SLC7A10: variants seen among roughly 807,000 people sequenced by gnomAD.
The protein encoded by SLC7A10 is solute carrier family 7 member 10, also known as asc-type amino acid transporter 1.
In SLC7A10, 30 loss-of-function variants were observed where a neutral mutation model predicts 52.7. The ratio of observed to expected loss-of-function variants is 0.57; its 90% CI spans 0.43 to 0.77. The LOEUF is 0.77. SLC7A10 is among the 30% of genes least tolerant of loss of function. The probability of loss-of-function intolerance (pLI) is 0.00; values close to 1 mark genes in which losing one functional copy is unlikely to be tolerated. For synonymous variants in SLC7A10, 318 were observed against 314.9 expected, an observed-to-expected ratio of 1.01 and a Z score of -0.10; for missense variants, 581 against 698.5, an observed-to-expected ratio of 0.83 and a Z score of 1.90.
intron 5 of SLC7A10, 195 bp downstream of exon 5, chr19:33,212,097 T>C: frequency 1.4e-6 from 1 of 723,146 alleles, no homozygotes; most frequent in Non-Finnish European, 2.3e-6. Context: ...GACGTGTCCA[T>C]AGCCAGAGAG....
intron 2 of SLC7A10, among the ~76,000 whole-genome samples, chr19:33,215,457 T>A (rs796787881): frequency 1.3e-5 from 2 of 151,880 alleles, no homozygotes; most frequent in Non-Finnish European, 2.9e-5. Context: ...GGGGTGGGGT[T>A]CAGAGGGACC....
At position 33,208,896 on chromosome 19, in the gene SLC7A10, G is replaced by T. The variant is rs781577248; in HGVS notation, c.1567C>A (p.Gln523Lys). 1 of 1,613,652 alleles carries T rather than the reference G, an allele frequency of 6.2e-7. No homozygotes were observed. Among genetic ancestry groups the T allele is most frequent in the African/African-American group, 1.3e-5 (1 of 74,808 alleles). The change falls in exon 11 of 11, where the codon CAA becomes AAA. Residue 523 changes from glutamine (Q) to lysine (K), a missense_variant. Physicochemically the swap from Gln to Lys is moderately conservative, Grantham distance 53. Coordinates refer to ENST00000253188, the MANE Select transcript of SLC7A10 (RefSeq NM_019849.3). This position sits in a 1 kb window ranked among gnomAD's most constrained non-coding sequence, Gnocchi z 4.7. ...CTTCAGTCTCTACAAAAATCTCATT[G>T]TGGCTTCGAGGGCTTGTCTGTGGCA... ...LPATDKPSKP[Q>K]
rs760343862 is a variant in SLC7A10 at position 33,225,520 on chromosome 19, C to A, written c.151+33G>T. ...GCGGCTGCGCCCCTCATTCGGCCTC[C>A]GCCCGGCGCCCGCCCGCCTGGGTCC... is the stretch of plus-strand genomic sequence containing the variant. On this transcript the variant is annotated intron_variant, in intron 1 of 10. Coordinates refer to ENST00000253188, the MANE Select transcript of SLC7A10 (RefSeq NM_019849.3). 1.9e-6 allele frequency: 3 copies of A among 1,593,242 alleles called. No homozygotes were observed. The South Asian group carries it at 3.3e-5, about 18-fold the overall frequency.
intron 1 of SLC7A10, among the ~76,000 whole-genome samples, chr19:33,216,329 C>T (rs1000512302): frequency 2.2e-4 from 34 of 152,196 alleles, no homozygotes; most frequent in African/African-American, 4.3e-4. Context: ...CGACGGCAGA[C>T]GGTGGCTCCT....
Position 33,212,649 on chromosome 19 carries a change from G to C in SLC7A10, c.509-10C>G, listed in dbSNP as rs1194201671. The C allele has an allele frequency of 3.1e-6, 5 of 1,613,588 alleles. No individual in the cohort carries two copies. The highest frequency in any genetic ancestry group is 4.2e-6 in the Non-Finnish European group (5 of 1,180,036). ...ACCCATGTCAGGAGCACTGCGGAGG[G>C]AAGGCGGGGGTGGGCGCCGAGGCCG... On this transcript the variant is annotated splice_polypyrimidine_tract_variant and intron_variant, in intron 3 of 10. Coordinates refer to ENST00000253188, the MANE Select transcript of SLC7A10 (RefSeq NM_019849.3).
intron 1 of SLC7A10, among the ~76,000 whole-genome samples, chr19:33,217,392 T>C (rs1974711469): frequency 1.3e-5 from 2 of 152,196 alleles, no homozygotes; most frequent in Non-Finnish European, 2.9e-5. Flanking sequence ...TGAGCAAGAC[T>C]CTGAGTGCCT....
chr19:33,218,671 T>TTTCTTTCTTTCTCTC (rs369226143), intron 1 of SLC7A10, among the ~76,000 whole-genome samples: 18 of 78,300 alleles, frequency 2.3e-4, no homozygotes, highest in African/African-American at 5.6e-4. Flanking sequence ...ATTTCTTTCT[T>TTTCTTTCTTTCTCTC]TCTTTCTTTC....
In SLC7A10 at chr19:33,209,348, C is replaced by T. The variant is rs372269491; in HGVS notation, c.1401G>A (p.Val467=). The T allele has an allele frequency of 1.9e-5, 30 of 1,614,052 alleles. No homozygotes were observed. In the African/African-American group the frequency reaches 3.7e-4, roughly 20 times the overall value. Residue 467 remains valine, a synonymous_variant, in exon 10 of 11, where the codon GTG becomes GTA. Transcript: ENST00000253188. ...LTGVPIFFLG[V]FWRSKPKCVH... is the part of the protein sequence containing the mutation. ...CACACTTTGGTTTGCTTCTCCAGAA[C>T]ACTCCCAGAAAGAAAATGGGCACCC...
intron 10 of SLC7A10, 139 bp from the exon 11 acceptor site, chr19:33,209,160 C>T: frequency 6.5e-7 from 1 of 1,530,608 alleles, no homozygotes; most frequent in Non-Finnish European, 8.9e-7. Flanking sequence ...TTGGGTACAT[C>T]TTGGGAAGAG....
intron 1 of SLC7A10, among the ~76,000 whole-genome samples, chr19:33,221,498 C>T (rs1568395891): frequency 6.6e-6 from 1 of 152,168 alleles, no homozygotes; most frequent in Non-Finnish European, 1.5e-5. Flanking sequence ...GCATCTGACC[C>T]CAGGGCAGGT....
chr19:33,210,396 T>C lies in SLC7A10; in HGVS notation c.1263+71A>G, dbSNP rs1356159612. 6 of 1,527,184 alleles carry C rather than the reference T, an allele frequency of 3.9e-6. No homozygotes were observed. The highest frequency in any genetic ancestry group is 5.3e-6 in the Non-Finnish European group (6 of 1,139,532). 94.6% of individuals were successfully genotyped at this position (1,527,184 alleles called of 1,614,324 possible). On this transcript the variant is annotated intron_variant, in intron 9 of 10. Transcript: ENST00000253188. The surrounding 1 kb of genome is among the most constrained non-coding windows in gnomAD (Gnocchi z 5.6). Reference sequence around the variant, plus strand: ...TGGCACCTCCCATCCCACCTGCCCCTGGTGCCCACTGTGGATGCAGGGGTG... The same window carrying C: ...TGGCACCTCCCATCCCACCTGCCCCCGGTGCCCACTGTGGATGCAGGGGTG...
chr19:33,210,319 G>A lies in SLC7A10; in HGVS notation c.1263+148C>T. 1 of 966,906 alleles carries A rather than the reference G, an allele frequency of 1.0e-6. No individual in the cohort carries two copies. The highest frequency in any genetic ancestry group is 2.3e-5 in the Admixed American group (1 of 44,168). The allele number at this position is 966,906 out of a possible 1,614,324, so 59.9% of individuals were successfully genotyped here. On this transcript the variant is annotated intron_variant, in intron 9 of 10. Transcript: ENST00000253188. This position sits in a 1 kb window ranked among gnomAD's most constrained non-coding sequence, Gnocchi z 5.6. ...CCTCATGGGGCTGCTATGAGGAATG[G>A]CTGCCTCAGTGCACAGAGAGCCCTG...
intron 1 of SLC7A10, among the ~76,000 whole-genome samples, chr19:33,220,705 C>T (rs749789229): frequency 1.2e-4 from 18 of 152,282 alleles, no homozygotes; most frequent in South Asian, 8.3e-4. Flanking sequence ...CACTCAGCCG[C>T]GGACATCACA....
Position 33,210,792 on chromosome 19 carries a change from C to T in SLC7A10, c.1113+10G>A, listed in dbSNP as rs1336613014. 6.2e-7 allele frequency: 1 copy of T among 1,613,332 alleles called. No individual in the cohort carries two copies. The highest frequency in any genetic ancestry group is 8.5e-7 in the Non-Finnish European group (1 of 1,179,956). ...TCCACGCCCTGCCTGGCCCAGGTCC[C>T]CCAACTTACACAGACGAGGAGGGCG... On this transcript the variant is annotated intron_variant, in intron 8 of 10. Coordinates refer to ENST00000253188, the MANE Select transcript of SLC7A10 (RefSeq NM_019849.3). This position sits in a 1 kb window ranked among gnomAD's most constrained non-coding sequence, Gnocchi z 5.6.
At chr19:33,225,263 C>T (rs1974897018) in intron 1 of SLC7A10, among the ~76,000 whole-genome samples, 1 of 152,266 alleles carries the variant, frequency 6.6e-6, no homozygotes, top group Non-Finnish European at 1.5e-5. Context: ...CTGAGGGTAA[C>T]TGCCTTGCAA....
Position 33,215,931 on chromosome 19 carries a change from AC to A in SLC7A10, c.193del (p.Val65SerfsTer21). 6.2e-7 allele frequency: 1 copy of A among 1,600,832 alleles called. No homozygotes were observed. The highest frequency in any genetic ancestry group is 2.3e-5 in the East Asian group (1 of 44,408). ...GSGIFISPKG[V>X]LEHSGSVGLA... ...ACCCACGGAGCCTGAGTGCTCCAGG[AC>A]CCCCTTGGGCGAGATGAAGATGCCC... On this transcript the variant is annotated frameshift_variant, in exon 2 of 11. Coordinates refer to ENST00000253188, the MANE Select transcript of SLC7A10 (RefSeq NM_019849.3). LOFTEE classifies it high-confidence loss of function.
rs767175511 is a variant in SLC7A10, at chr19:33,210,975, C to T, written c.1017-77G>A. On this transcript the variant is annotated intron_variant, in intron 7 of 10. Transcript: ENST00000253188. The surrounding 1 kb of genome is among the most constrained non-coding windows in gnomAD (Gnocchi z 5.6). Reference sequence around the variant, plus strand: ...GGACCTGATGTCCCTCTTAAGCTGTCGCCTCTGACCTCCTGCTCCGGGCCC... The same window carrying T: ...GGACCTGATGTCCCTCTTAAGCTGTTGCCTCTGACCTCCTGCTCCGGGCCC... The T allele has an allele frequency of 6.7e-5, 93 of 1,384,620 alleles. No individual in the cohort carries two copies. Among genetic ancestry groups the T allele is most frequent in the African/African-American group, 6.4e-4 (45 of 70,160 alleles). The allele number at this position is 1,384,620 out of a possible 1,614,324, so 85.8% of individuals were successfully genotyped here. A position where few individuals can be genotyped will look rare whatever the true frequency, so the allele number is the denominator to read the frequency against.
chr19:33,210,493 G>A lies in SLC7A10; in HGVS notation c.1237C>T (p.Arg413Trp), dbSNP rs558275032. The part of the protein sequence containing the change: ...ILGLLLLRWR[R>W]PALHRPIKVN... ...TTGATGGGCCTGTGGAGTGCAGGCC[G>A]CCTCCAGCGCAGCAGCAGCAGGCCC... The change falls in exon 9 of 11, where the codon CGG becomes TGG. Residue 413 changes from arginine (R) to tryptophan (W), a missense_variant. Physicochemically the swap from Arg to Trp is moderately radical, Grantham distance 101. Transcript: ENST00000253188. This position sits in a 1 kb window ranked among gnomAD's most constrained non-coding sequence, Gnocchi z 5.6. 27 of 1,604,426 alleles carry A rather than the reference G, an allele frequency of 1.7e-5. No homozygotes were observed. The highest frequency in any genetic ancestry group is 1.0e-4 in the Admixed American group (6 of 59,622).
At chr19:33,211,955 C>T (rs1417982406) in intron 5 of SLC7A10, 14 of 487,572 alleles carry the variant, frequency 2.9e-5, no homozygotes, top group South Asian at 8.6e-5. Context: ...GAGCATCAGA[C>T]GCAGTCATTG....
Sources: allele counts gnomAD v4.1 joint callset (sites outside exome capture counted in the v4.1 genomes callset), GRCh38; gene constraint gnomAD v4.1.1; non-coding constraint Gnocchi (gnomAD v3.1); transcripts MANE v1.5; gene names NCBI Gene and HGNC (gene_info 2026-07-23, HGNC 2026-07-21).